The following GPR158 variants were observed in gnomAD, a reference collection of about 807,000 sequenced individuals.
The protein encoded by GPR158 is G protein-coupled receptor 158, also known as metabotropic glycine receptor.
In GPR158, 30 loss-of-function variants were observed where a neutral mutation model predicts 78.2. The ratio of observed to expected loss-of-function variants is 0.38; its 90% CI spans 0.29 to 0.52. GPR158 has a LOEUF of 0.52. Ranked by LOEUF, GPR158 falls within the 20% of genes least tolerant of loss-of-function variation. GPR158 has a pLI of 0.83. For missense variants in GPR158, 1,463 were observed against 1,523.5 expected, an observed-to-expected ratio of 0.96 and a Z score of 0.66; for synonymous variants, 581 against 591.1, an observed-to-expected ratio of 0.98 and a Z score of 0.25.
At chr10:25,187,092 G>C (rs974228535) in intron 1 of GPR158, among the ~76,000 whole-genome samples, 1 of 151,322 alleles carries the variant, frequency 6.6e-6, no homozygotes, top group Non-Finnish European at 1.5e-5. Context: ...AGCCTCCCGA[G>C]TATCTAGGAC....
chr10:25,225,947 A>G (rs955854816), intron 2 of GPR158, among the ~76,000 whole-genome samples: 1 of 152,216 alleles, frequency 6.6e-6, no homozygotes, highest in African/African-American at 2.4e-5. Context: ...ACCCTCTTAC[A>G]TACCAAATGT....
intron 5 of GPR158, among the ~76,000 whole-genome samples, chr10:25,478,781 C>G (rs371588265): frequency 4.1e-4 from 61 of 149,830 alleles, no homozygotes; most frequent in African/African-American, 1.5e-3. Context: ...TCTCCTAATG[C>G]TATCCCTCCT....
At chr10:25,543,314 T>C (rs1296978735) in intron 5 of GPR158, among the ~76,000 whole-genome samples, 1 of 152,022 alleles carries the variant, frequency 6.6e-6, no homozygotes, top group African/African-American at 2.4e-5. Flanking sequence ...AGAGGTAGGG[T>C]TTCACCATGT....
At chr10:25,343,896 G>C (rs1400344781) in intron 2 of GPR158, among the ~76,000 whole-genome samples, 1 of 151,958 alleles carries the variant, frequency 6.6e-6, no homozygotes, top group African/African-American at 2.4e-5. Context: ...TTTCACAAAA[G>C]AGGAAGGCAC....
At chr10:25,341,446 T>C (rs1037950288) in intron 2 of GPR158, among the ~76,000 whole-genome samples, 1 of 151,920 alleles carries the variant, frequency 6.6e-6, no homozygotes, top group African/African-American at 2.4e-5. Flanking sequence ...TGTACTCTCT[T>C]GGGATACATC....
chr10:25,336,086 A>T (rs1364906029), intron 2 of GPR158, among the ~76,000 whole-genome samples: 3 of 152,090 alleles, frequency 2.0e-5, no homozygotes, highest in Non-Finnish European at 2.9e-5. Context: ...TTGTCATACT[A>T]TTATTGTAAA....
At chr10:25,361,752 G>A (rs1047142639) in intron 2 of GPR158, among the ~76,000 whole-genome samples, 2 of 151,864 alleles carry the variant, frequency 1.3e-5, no homozygotes, top group African/African-American at 4.8e-5. Context: ...TGGAGAAATG[G>A]CTATTCAAAT....
chr10:25,313,909 G>T (rs1230823146), intron 2 of GPR158, among the ~76,000 whole-genome samples: 1 of 152,112 alleles, frequency 6.6e-6, no homozygotes, highest in Non-Finnish European at 1.5e-5. Flanking sequence ...GCATTGGGAT[G>T]ATCCGGTCTT....
chr10:25,191,034 A>G (rs1245272049), intron 1 of GPR158, among the ~76,000 whole-genome samples: 4 of 152,350 alleles, frequency 2.6e-5, no homozygotes, highest in Non-Finnish European at 4.4e-5. Flanking sequence ...TATTGACAAT[A>G]ATTAGTTCTT....
intron 7 of GPR158, among the ~76,000 whole-genome samples, chr10:25,580,291 A>G (rs1001234576): frequency 7.9e-5 from 12 of 152,238 alleles, no homozygotes; most frequent in African/African-American, 2.9e-4. Flanking sequence ...TTGCCACTAT[A>G]GAAAATACAC....
In GPR158 at chr10:25,189,814, AAG is replaced by A. The variant is rs201680984; in HGVS notation, c.902+13496_902+13497del. On this transcript the variant is annotated intron_variant, in intron 1 of 10. Transcript: ENST00000376351. Reference sequence around the variant, plus strand: ...AAAAAAAAACCTTTAAAAAAAAAAAAAGAGAAAAGAAAGGAAAGCATGTGTGT... The same window carrying A: ...AAAAAAAAACCTTTAAAAAAAAAAAAAGAAAAGAAAGGAAAGCATGTGTGT... Among the ~76,000 whole-genome samples, 474 of 149,744 alleles carry A rather than the reference AAG, an allele frequency of 3.2e-3. 5 individuals carry two copies. The highest frequency in any genetic ancestry group is 4.9e-3 in the Admixed American group (73 of 15,022).
In GPR158 at chr10:25,176,698, G is replaced by T. The variant is rs866589464; in HGVS notation, c.902+376G>T. Among the ~76,000 whole-genome samples, 2 of 152,380 alleles carry T rather than the reference G, an allele frequency of 1.3e-5. No individual in the cohort carries two copies. Among genetic ancestry groups the T allele is most frequent in the Middle Eastern group, 6.8e-3 (2 of 294 alleles). On this transcript the variant is annotated intron_variant, in intron 1 of 10. Transcript: ENST00000376351. The surrounding 1 kb of genome is among the most constrained non-coding windows in gnomAD (Gnocchi z 6.3). ...GCGATGCGACAACTTGGCGAGCGCC[G>T]GGTGTGTCCGCGGAGTGGCAAGCCT... is the stretch of plus-strand genomic sequence containing the variant.
chr10:25,241,404 C>CTCTTT (rs1564399836), intron 2 of GPR158, among the ~76,000 whole-genome samples: 1 of 135,730 alleles, frequency 7.4e-6, no homozygotes, highest in Non-Finnish European at 1.6e-5. Flanking sequence ...CTCTTCTCTT[C>CTCTTT]TCTTCTCTTT....
At chr10:25,191,055 C>G (rs1852765513) in intron 1 of GPR158, among the ~76,000 whole-genome samples, 1 of 152,180 alleles carries the variant, frequency 6.6e-6, no homozygotes, top group Non-Finnish European at 1.5e-5. Context: ...TGGAAAGCCT[C>G]TCACAATACA....
chr10:25,462,291 C>T (rs1292332532), intron 4 of GPR158, among the ~76,000 whole-genome samples: 1 of 152,084 alleles, frequency 6.6e-6, no homozygotes. Context: ...ATATTTTAAG[C>T]CCACTGATGA....
At chr10:25,333,711 CA>C (rs1219444375) in intron 2 of GPR158, among the ~76,000 whole-genome samples, 2 of 152,246 alleles carry the variant, frequency 1.3e-5, no homozygotes, top group East Asian at 3.9e-4. Flanking sequence ...AGGCTAAAGA[CA>C]TATTAACTAA....
intron 2 of GPR158, among the ~76,000 whole-genome samples, chr10:25,378,250 A>G (rs1834109818): frequency 6.6e-6 from 1 of 152,196 alleles, no homozygotes; most frequent in Non-Finnish European, 1.5e-5. Flanking sequence ...TTAGAAAGGT[A>G]ACAACTATTC....
chr10:25,180,090 A>C (rs562824392), intron 1 of GPR158, among the ~76,000 whole-genome samples: 1 of 152,292 alleles, frequency 6.6e-6, no homozygotes, highest in Admixed American at 6.5e-5. Context: ...AATTCCTTTA[A>C]AGAATTAATT....
intron 2 of GPR158, among the ~76,000 whole-genome samples, chr10:25,354,133 C>T (rs1164536862): frequency 6.6e-6 from 1 of 152,000 alleles, no homozygotes; most frequent in African/African-American, 2.4e-5. Context: ...GTGGGTGGAT[C>T]ACCTAAGGTC....
Sources: gnomAD v4.1 joint callset for allele counts (sites outside exome capture counted in the v4.1 genomes callset) on GRCh38, gnomAD v4.1.1 for gene constraint, Gnocchi (gnomAD v3.1) non-coding constraint, MANE v1.5 for transcripts, NCBI Gene and HGNC (gene_info 2026-07-23, HGNC 2026-07-21) for gene names.